OR4K1: variants seen among roughly 807,000 people sequenced by gnomAD.
OR4K1 encodes olfactory receptor 4K1.
A neutral mutation model predicts 14.4 loss-of-function variants in OR4K1; 16 were observed. That is an observed-to-expected ratio of 1.11 (90% CI 0.75 to 1.68). The LOEUF is 1.68. OR4K1 is among the 40% of genes most tolerant of loss of function. The pLI, the probability that OR4K1 is intolerant of heterozygous loss-of-function variation, is 0.00. For missense variants in OR4K1, 548 were observed against 376.9 expected, an observed-to-expected ratio of 1.45 and a Z score of -3.76; for synonymous variants, 181 against 133.1, an observed-to-expected ratio of 1.36 and a Z score of -2.48.
At position 19,936,046 on chromosome 14, in the gene OR4K1, G is replaced by A. The variant is rs776946071; in HGVS notation, c.380G>A (p.Cys127Tyr). 1.9e-6 allele frequency: 3 copies of A among 1,614,244 alleles called. No individual in the cohort carries two copies. Among genetic ancestry groups the A allele is most frequent in the East Asian group, 2.2e-5 (1 of 44,890 alleles). ...AMAYDRFIAI[C>Y]KPLHYSTIMN... ...GCATATGACAGATTTATAGCCATAT[G>A]TAAGCCTCTGCACTACAGTACAATT... is the stretch of plus-strand genomic sequence containing the variant. The change falls in exon 2 of 2, where the codon TGT becomes TAT. Residue 127 changes from cysteine (C) to tyrosine (Y), a missense_variant. Transcript: ENST00000641172.
At chr14:19,932,280 A>G (rs1882201735) in intron 1 of OR4K1, among the ~76,000 whole-genome samples, 1 of 152,176 alleles carries the variant, frequency 6.6e-6, no homozygotes, top group Non-Finnish European at 1.5e-5. Context: ...ATTTTTTGTT[A>G]ATCATGTTTC....
At position 19,935,849 on chromosome 14, in the gene OR4K1, C is replaced by T; in HGVS notation, c.183C>T (p.Phe61=). ...CCCATTTGAACTCTCCTATGTACTT[C>T]TTGCTCAGTAATCTTTCTTTCATTG... ...FDSHLNSPMY[F]LLSNLSFIDI... The change falls in exon 2 of 2, where the codon TTC becomes TTT. Residue 61 remains phenylalanine, a synonymous_variant. Transcript: ENST00000641172. 1 of 1,614,216 alleles carries T rather than the reference C, an allele frequency of 6.2e-7. No homozygotes were observed. Among genetic ancestry groups the T allele is most frequent in the Non-Finnish European group, 8.5e-7 (1 of 1,180,024 alleles).
upstream of OR4K1, chr14:19,930,853 G>T (rs888599487): frequency 2.6e-5 from 4 of 152,232 alleles, no homozygotes; most frequent in African/African-American, 9.7e-5. Flanking sequence ...CAGTTTTCTA[G>T]AATGAGGTTG....
intron 1 of OR4K1, 61 bp downstream of exon 1, chr14:19,931,206 T>C (rs931924444): frequency 3.3e-5 from 5 of 152,262 alleles, no homozygotes; most frequent in African/African-American, 1.2e-4. Flanking sequence ...TAATGAGATC[T>C]CTTATAGATG....
the OR4K1 span, among the ~76,000 whole-genome samples, chr14:19,922,076 C>A: frequency 1.0e-4 from 13 of 130,080 alleles, no homozygotes; most frequent in African/African-American, 3.2e-4. Context: ...GACTCCCCCC[C>A]CCAAAAATCA....
the OR4K1 span, among the ~76,000 whole-genome samples, chr14:19,922,069 TC>T: frequency 3.1e-5 from 4 of 128,436 alleles, no homozygotes; most frequent in African/African-American, 1.1e-4. Context: ...GTTATGAGAC[TC>T]CCCCCCCCAA....
intron 1 of OR4K1, 167 bp from the exon 2 acceptor site, chr14:19,935,481 C>T (rs1882283720): frequency 1.8e-6 from 1 of 564,252 alleles, no homozygotes; most frequent in Admixed American, 3.6e-5. Flanking sequence ...TCATAGCAGT[C>T]ATGGATGTTA....
rs375592679 is a variant in OR4K1 at position 19,934,963 on chromosome 14, G to A, written c.-19-685G>A. Among the ~76,000 whole-genome samples the A allele has an allele frequency of 1.8e-3, 273 of 152,264 alleles. 1 individual carries two copies. Among genetic ancestry groups the A allele is most frequent in the African/African-American group, 6.3e-3 (261 of 41,538 alleles). ...GCTGGGATTACAGGCATGACCCACCGTGCCTGGCCGCTTCTTTTGTTTCTT... is the reference window on the plus strand; with the variant it reads ...GCTGGGATTACAGGCATGACCCACCATGCCTGGCCGCTTCTTTTGTTTCTT... On this transcript the variant is annotated intron_variant, in intron 1 of 1. Transcript: ENST00000641172.
the OR4K1 span, chr14:19,921,212 T>C: frequency 3.1e-6 from 5 of 1,614,078 alleles, no homozygotes; most frequent in Non-Finnish European, 4.2e-6. Flanking sequence ...TTGTGGTCAA[T>C]AGTGGAATTC....
chr14:19,927,089 C>T (rs563486708), upstream of OR4K1, among the ~76,000 whole-genome samples: 11 of 152,352 alleles, frequency 7.2e-5, no homozygotes, highest in Non-Finnish European at 1.0e-4. Context: ...TGTAGGACCA[C>T]GCTGAAGCAG....
chr14:19,921,310 A>C, the OR4K1 span: 1 of 1,614,184 alleles, frequency 6.2e-7, no homozygotes, highest in Non-Finnish European at 8.5e-7. Flanking sequence ...GCAATGGCAA[A>C]GGCATTTTCT....
the OR4K1 span, among the ~76,000 whole-genome samples, chr14:19,923,574 AAAG>A: frequency 1.3e-4 from 20 of 152,172 alleles, no homozygotes; most frequent in African/African-American, 4.6e-4. Flanking sequence ...AAATGTTGAA[AAAG>A]AAAAAATATG....
In OR4K1 at chr14:19,936,714, G is replaced by T; in HGVS notation, c.*112G>T. The T allele has an allele frequency of 9.8e-7, 1 of 1,015,602 alleles. No individual in the cohort carries two copies. The highest frequency in any genetic ancestry group is 3.3e-5 in the Admixed American group (1 of 30,172). The allele number at this position is 1,015,602 out of a possible 1,614,324, so 62.9% of individuals were successfully genotyped here. A position where few individuals can be genotyped will look rare whatever the true frequency, so the allele number is the denominator to read the frequency against. ...TATGGGTTATTGAGTTACAGAATTG[G>T]CTTTTTGTTTTAAGTGCAAGGGAAT... On this transcript the variant is annotated 3_prime_UTR_variant, in exon 2 of 2. Transcript: ENST00000641172.
At chr14:19,934,587 G>T (rs1273913200) in intron 1 of OR4K1, among the ~76,000 whole-genome samples, 1 of 152,232 alleles carries the variant, frequency 6.6e-6, no homozygotes, top group Non-Finnish European at 1.5e-5. Context: ...GACCTTCAGA[G>T]AAATTTTCAG....
At position 19,935,744 on chromosome 14, in the gene OR4K1, C is replaced by T. The variant is rs542194646; in HGVS notation, c.78C>T (p.Phe26=). Residue 26 remains phenylalanine, a synonymous_variant, in exon 2 of 2, where the codon TTC becomes TTT. Coordinates refer to ENST00000641172, the MANE Select transcript of OR4K1 (RefSeq NM_001004063.3). ...GLSNSWGLQL[F]FFAIFSIVYV... ...CTAATTCCTGGGGACTTCAACTTTT[C>T]TTTTTTGCCATCTTCTCTATAGTCT... The T allele has an allele frequency of 1.2e-6, 2 of 1,613,892 alleles. No individual in the cohort carries two copies. Among genetic ancestry groups the T allele is most frequent in the Admixed American group, 1.7e-5 (1 of 59,968 alleles).
chr14:19,920,971 G>C, the OR4K1 span: 3 of 1,614,012 alleles, frequency 1.9e-6, no homozygotes, highest in African/African-American at 2.7e-5. Flanking sequence ...GCCTATGACA[G>C]GTATGTAGCC....
At chr14:19,929,833 A>G (rs1466712910), upstream of OR4K1, among the ~76,000 whole-genome samples, 1 of 152,186 alleles carries the variant, frequency 6.6e-6, no homozygotes, top group African/African-American at 2.4e-5. Context: ...TTATTTTACT[A>G]TTGTGATAGT....
At chr14:19,932,690 G>A (rs986473400) in intron 1 of OR4K1, among the ~76,000 whole-genome samples, 7 of 152,216 alleles carry the variant, frequency 4.6e-5, no homozygotes, top group African/African-American at 1.7e-4. Flanking sequence ...CTTACTAGTA[G>A]TATAAACTTG....
upstream of OR4K1, among the ~76,000 whole-genome samples, chr14:19,929,697 C>T (rs898233302): frequency 1.3e-5 from 2 of 152,198 alleles, no homozygotes; most frequent in African/African-American, 4.8e-5. Flanking sequence ...GAAGCAGCCT[C>T]ATAAAATGAG....
Sources: allele counts gnomAD v4.1 joint callset (sites outside exome capture counted in the v4.1 genomes callset), GRCh38; gene constraint gnomAD v4.1.1; transcripts MANE v1.5; gene names NCBI Gene and HGNC (gene_info 2026-07-23, HGNC 2026-07-21).